The following MSI2 variants were observed in gnomAD, a reference collection of about 807,000 sequenced individuals.
MSI2 encodes RNA-binding protein Musashi homolog 2.
MSI2 carries 17 observed loss-of-function variants against 45.6 expected under a neutral mutation model. The observed-to-expected ratio is 0.37, with a 90% CI of 0.26 to 0.56. The LOEUF (loss-of-function observed/expected upper bound fraction) is 0.56, where lower values mean the gene tolerates loss of function less well. Ranked by LOEUF, MSI2 falls within the 20% of genes least tolerant of loss-of-function variation. The probability of loss-of-function intolerance (pLI) is 0.77; values close to 1 mark genes in which losing one functional copy is unlikely to be tolerated. For missense variants in MSI2, 293 were observed against 444.2 expected (o/e 0.66, Z 3.06); for synonymous variants, 156 against 158.2 (o/e 0.99, Z 0.11).
intron 5 of MSI2, among the ~76,000 whole-genome samples, chr17:57,391,958 C>G (rs2083800543): frequency 6.6e-6 from 1 of 152,220 alleles, no homozygotes; most frequent in African/African-American, 2.4e-5. Context: ...TTGGGGTCTT[C>G]CCCATAGTGG....
chr17:57,486,177 G>A (rs2085751285), intron 6 of MSI2, among the ~76,000 whole-genome samples: 1 of 152,190 alleles, frequency 6.6e-6, no homozygotes, highest in South Asian at 2.1e-4. Context: ...TGGTGGAGGA[G>A]GAACATCACA....
chr17:57,389,946 A>G (rs1244650634), intron 5 of MSI2, among the ~76,000 whole-genome samples: 1 of 152,040 alleles, frequency 6.6e-6, no homozygotes, highest in East Asian at 1.9e-4. Context: ...TTAATGAACA[A>G]GAATCTGAAG....
intron 6 of MSI2, among the ~76,000 whole-genome samples, chr17:57,425,894 A>G (rs2084482252): frequency 6.6e-6 from 1 of 152,212 alleles, no homozygotes; most frequent in African/African-American, 2.4e-5. Flanking sequence ...AGTGAGCTTG[A>G]GCTTTTGGTC....
intron 6 of MSI2, among the ~76,000 whole-genome samples, chr17:57,413,532 T>G (rs568873132): frequency 6.6e-6 from 1 of 152,136 alleles, no homozygotes; most frequent in Admixed American, 6.5e-5. Flanking sequence ...TAACGGATAC[T>G]GCCTGGAAAT....
rs77744455 is a variant in MSI2 at position 57,356,370 on chromosome 17, G to T, written c.313-45009G>T. Among the ~76,000 whole-genome samples, 787 of 152,268 alleles carry T rather than the reference G, an allele frequency of 5.2e-3. 5 individuals carry two copies. Among genetic ancestry groups the T allele is most frequent in the African/African-American group, 0.018 (744 of 41,534 alleles). On this transcript the variant is annotated intron_variant, in intron 5 of 13. Coordinates refer to ENST00000284073, the MANE Select transcript of MSI2 (RefSeq NM_138962.4). ...CTTAAGCAGATTATCCTTGGGTGGGGACGTCAGCAGGGAGAACCACCCCAG... is the reference window on the plus strand; with the variant it reads ...CTTAAGCAGATTATCCTTGGGTGGGTACGTCAGCAGGGAGAACCACCCCAG...
rs910539668 is a variant in MSI2, at chr17:57,529,963, C to T, written c.454+239C>T. Reference sequence around the variant, plus strand: ...AACTCCTGTTTAGTTATGCAGCCATCCCTGACACACATATTCAGATGTACC... The same window carrying T: ...AACTCCTGTTTAGTTATGCAGCCATTCCTGACACACATATTCAGATGTACC... On this transcript the variant is annotated intron_variant, in intron 7 of 13. Transcript: ENST00000284073. The surrounding 1 kb of genome is among the most constrained non-coding windows in gnomAD (Gnocchi z 5.3). Among the ~76,000 whole-genome samples the T allele has an allele frequency of 1.3e-5, 2 of 152,176 alleles. No homozygotes were observed. The highest frequency in any genetic ancestry group is 2.9e-5 in the Non-Finnish European group (2 of 68,042).
Position 57,461,581 on chromosome 17 carries a change from G to A in MSI2, c.405+60110G>A, listed in dbSNP as rs1436178020. On this transcript the variant is annotated intron_variant, in intron 6 of 13. Coordinates refer to ENST00000284073, the MANE Select transcript of MSI2 (RefSeq NM_138962.4). ...CATAGTCTCTTGCCCTGTCACCTAG[G>A]CTGGAGTGCAGTGGAGCGATCTCAG... is the stretch of plus-strand genomic sequence containing the variant. 4.0e-5 allele frequency among the ~76,000 whole-genome samples: 6 copies of A among 150,340 alleles called. No homozygotes were observed. In the East Asian group the frequency reaches 1.2e-3, roughly 29 times the overall value.
At chr17:57,307,118 A>G (rs1315714234) in intron 5 of MSI2, among the ~76,000 whole-genome samples, 1 of 152,030 alleles carries the variant, frequency 6.6e-6, no homozygotes, top group Non-Finnish European at 1.5e-5. Flanking sequence ...TTTTTCCTCT[A>G]TTTCCTAACA....
intron 7 of MSI2, among the ~76,000 whole-genome samples, chr17:57,592,764 C>T (rs972100937): frequency 1.3e-5 from 2 of 152,134 alleles, no homozygotes; most frequent in African/African-American, 2.4e-5. Flanking sequence ...AGTCTTGCCC[C>T]GACCCTTCCT....
chr17:57,320,662 G>A (rs1005727777), intron 5 of MSI2, among the ~76,000 whole-genome samples: 7 of 152,092 alleles, frequency 4.6e-5, no homozygotes, highest in East Asian at 1.9e-4. Context: ...TCCAGAATTC[G>A]GAGTCCTAAG....
At chr17:57,325,813 C>A (rs557687178) in intron 5 of MSI2, among the ~76,000 whole-genome samples, 1 of 152,198 alleles carries the variant, frequency 6.6e-6, no homozygotes, top group Admixed American at 6.5e-5. Context: ...CCTGCCGTAC[C>A]AAGCGTGATG....
chr17:57,341,412 C>A (rs1288862464), intron 5 of MSI2, among the ~76,000 whole-genome samples: 1 of 152,192 alleles, frequency 6.6e-6, no homozygotes, highest in African/African-American at 2.4e-5. Context: ...AAAAACCAAA[C>A]AGTGCCTGAG....
chr17:57,619,378 C>T (rs1908061542), intron 9 of MSI2, among the ~76,000 whole-genome samples: 1 of 152,170 alleles, frequency 6.6e-6, no homozygotes, highest in Non-Finnish European at 1.5e-5. Flanking sequence ...GAGCCTGATG[C>T]GTAACATGAA....
intron 5 of MSI2, among the ~76,000 whole-genome samples, chr17:57,312,317 T>C (rs1444776533): frequency 1.3e-5 from 2 of 152,238 alleles, no homozygotes; most frequent in Admixed American, 6.5e-5. Flanking sequence ...AATTCCTGCC[T>C]ACCTTCTATA....
intron 5 of MSI2, among the ~76,000 whole-genome samples, chr17:57,362,341 A>T (rs530971739): frequency 5.1e-4 from 77 of 152,308 alleles, no homozygotes; most frequent in African/African-American, 1.8e-3. Context: ...TATTTGAGGG[A>T]ACTGCAGCCT....
Position 57,518,144 on chromosome 17 carries a change from G to A in MSI2, c.406-11532G>A, listed in dbSNP as rs557708834. Among the ~76,000 whole-genome samples, 8 of 152,300 alleles carry A rather than the reference G, an allele frequency of 5.3e-5. No individual in the cohort carries two copies. In the South Asian group the frequency reaches 1.7e-3, roughly 32 times the overall value. ...GTCCTGAAAGCTGATGCCCTCAGAA[G>A]TTCCCTGCACTGGGGCCCCTGGCCT... On this transcript the variant is annotated intron_variant, in intron 6 of 13. Coordinates refer to ENST00000284073, the MANE Select transcript of MSI2 (RefSeq NM_138962.4).
chr17:57,622,774 G>A (rs952967325), intron 9 of MSI2, among the ~76,000 whole-genome samples: 1 of 152,140 alleles, frequency 6.6e-6, no homozygotes, highest in East Asian at 1.9e-4. Flanking sequence ...ACTCAATTTC[G>A]ACGGGGATCT....
chr17:57,338,857 C>A (rs768582778), intron 5 of MSI2, among the ~76,000 whole-genome samples: 2 of 152,148 alleles, frequency 1.3e-5, no homozygotes, highest in Non-Finnish European at 2.9e-5. Flanking sequence ...AAGGGCCCCA[C>A]CCCTGAGTTC....
chr17:57,322,926 G>A (rs1049298187), intron 5 of MSI2, among the ~76,000 whole-genome samples: 1 of 152,046 alleles, frequency 6.6e-6, no homozygotes, highest in Admixed American at 6.5e-5. Context: ...AGCCCACTTG[G>A]GAGTTATGTG....
Sources: allele counts gnomAD v4.1 joint callset (sites outside exome capture counted in the v4.1 genomes callset), GRCh38; gene constraint gnomAD v4.1.1; non-coding constraint Gnocchi (gnomAD v3.1); transcripts MANE v1.5; gene names NCBI Gene and HGNC (gene_info 2026-07-23, HGNC 2026-07-21).